The following AK5 variants were observed in gnomAD, a reference collection of about 807,000 sequenced individuals.
AK5 encodes the protein adenylate kinase isoenzyme 5.
Under a neutral mutation model 69.5 loss-of-function variants are expected in AK5, and 27 were observed. That is an observed-to-expected ratio of 0.39 (90% confidence interval 0.29 to 0.54). AK5 has a LOEUF of 0.54. AK5 is among the 20% of genes least tolerant of loss of function. The probability of loss-of-function intolerance (pLI) is 0.71; values close to 1 mark genes in which losing one functional copy is unlikely to be tolerated. For synonymous variants in AK5, 260 were observed against 244.4 expected, an observed-to-expected ratio of 1.06 and a Z score of -0.60; for missense variants, 531 against 700.4, an observed-to-expected ratio of 0.76 and a Z score of 2.73.
rs934722213 is a variant in AK5 at position 77,431,035 on chromosome 1, G to A, written c.1059+13320G>A. On this transcript the variant is annotated intron_variant, in intron 8 of 13. Transcript: ENST00000354567. ...ACTGGCATGAGACCAAAAGAGTCTC[G>A]TGTGGGTTAAGACAGAAGGAACATT... Among the ~76,000 whole-genome samples, 6 of 152,146 alleles carry A rather than the reference G, an allele frequency of 3.9e-5. No individual in the cohort carries two copies. The South Asian group carries it at 6.2e-4, about 16-fold the overall frequency.
chr1:77,453,803 C>T (rs559136874), intron 8 of AK5, among the ~76,000 whole-genome samples: 42 of 152,254 alleles, frequency 2.8e-4, no homozygotes, highest in African/African-American at 9.9e-4. Context: ...TATGTATCTT[C>T]GACTTTATTA....
intron 7 of AK5, among the ~76,000 whole-genome samples, chr1:77,414,231 T>A (rs1245419876): frequency 6.6e-6 from 1 of 152,174 alleles, no homozygotes; most frequent in East Asian, 1.9e-4. Flanking sequence ...TCGTTAAAAT[T>A]AAACTGTAAC....
chr1:77,329,387 C>T (rs1430357294), intron 5 of AK5, among the ~76,000 whole-genome samples: 1 of 151,956 alleles, frequency 6.6e-6, no homozygotes, highest in Non-Finnish European at 1.5e-5. Context: ...TTCATGGGTC[C>T]CATTTCCAGA....
intron 5 of AK5, chr1:77,313,898 A>G (rs1179758320): frequency 1.9e-6 from 1 of 529,922 alleles, no homozygotes; most frequent in African/African-American, 1.9e-5. Flanking sequence ...CCCTAAAGAC[A>G]CAGCCTGTAA....
At chr1:77,384,765 A>G (rs1647887100) in intron 6 of AK5, among the ~76,000 whole-genome samples, 2 of 152,244 alleles carry the variant, frequency 1.3e-5, no homozygotes, top group Non-Finnish European at 2.9e-5. Flanking sequence ...TTCAAAGTAT[A>G]TAATAGCATC....
chr1:77,452,959 A>G (rs1258893490), intron 8 of AK5, among the ~76,000 whole-genome samples: 1 of 152,258 alleles, frequency 6.6e-6, no homozygotes, highest in East Asian at 1.9e-4. Context: ...CTAAACTAGG[A>G]AGCAAAATTA....
At chr1:77,339,391 T>C (rs1240049390) in intron 5 of AK5, among the ~76,000 whole-genome samples, 1 of 152,230 alleles carries the variant, frequency 6.6e-6, no homozygotes, top group Non-Finnish European at 1.5e-5. Flanking sequence ...AAATAGAAAC[T>C]TTTTACTTCA....
At chr1:77,329,785 T>C (rs1660992372) in intron 5 of AK5, among the ~76,000 whole-genome samples, 1 of 152,134 alleles carries the variant, frequency 6.6e-6, no homozygotes, top group African/African-American at 2.4e-5. Flanking sequence ...CCTCCAATCC[T>C]AATTTCACCC....
intron 13 of AK5, among the ~76,000 whole-genome samples, chr1:77,538,910 A>G (rs2100365463): frequency 6.6e-6 from 1 of 152,344 alleles, no homozygotes; most frequent in South Asian, 2.1e-4. Context: ...CCAAAAGACC[A>G]GATTACAACA....
At chr1:77,506,951 A>T (rs1341071470) in intron 10 of AK5, among the ~76,000 whole-genome samples, 1 of 152,086 alleles carries the variant, frequency 6.6e-6, no homozygotes, top group Non-Finnish European at 1.5e-5. Context: ...GTGAGCCAAG[A>T]TCACACCACT....
intron 10 of AK5, among the ~76,000 whole-genome samples, chr1:77,506,275 GTTTT>G (rs67811526): frequency 2.0e-5 from 3 of 151,256 alleles, no homozygotes; most frequent in African/African-American, 7.3e-5. Context: ...ATTTTTTGGG[GTTTT>G]TTTAATTTTT....
chr1:77,427,032 G>T (rs1158155149), intron 8 of AK5, among the ~76,000 whole-genome samples: 10 of 151,946 alleles, frequency 6.6e-5, no homozygotes, highest in Admixed American at 6.6e-4. Context: ...TATATACATT[G>T]AATTCATATA....
chr1:77,335,634 A>C (rs754968204), intron 5 of AK5, among the ~76,000 whole-genome samples: 6 of 152,154 alleles, frequency 3.9e-5, no homozygotes, highest in Non-Finnish European at 8.8e-5. Flanking sequence ...TTTAAAATGG[A>C]GCACTATTGG....
chr1:77,518,837 G>A, intron 11 of AK5, 110 bp downstream of exon 11: 11 of 1,096,880 alleles, frequency 1.0e-5, no homozygotes, highest in Non-Finnish European at 1.4e-5. Context: ...AGAAACAATA[G>A]CTGTATATTA....
rs548209251 is a variant in AK5 at position 77,410,964 on chromosome 1, G to C, written c.892-17G>C. On this transcript the variant is annotated splice_polypyrimidine_tract_variant and intron_variant, in intron 6 of 13. Coordinates refer to ENST00000354567, the MANE Select transcript of AK5 (RefSeq NM_174858.3). ...GTATTCTCACATTCCAAACTTGTCT[G>C]TCCTGATTTCCCCCAGTTTGATGCC... The C allele has an allele frequency of 6.2e-7, 1 of 1,609,280 alleles. No individual in the cohort carries two copies. The highest frequency in any genetic ancestry group is 1.3e-5 in the African/African-American group (1 of 74,918).
At chr1:77,525,683 G>C (rs541252152) in intron 12 of AK5, among the ~76,000 whole-genome samples, 1 of 152,122 alleles carries the variant, frequency 6.6e-6, no homozygotes, top group Non-Finnish European at 1.5e-5. Flanking sequence ...CAACACTGGC[G>C]GTCACATTTC....
chr1:77,450,585 C>G (rs969426761), intron 8 of AK5, among the ~76,000 whole-genome samples: 20 of 152,140 alleles, frequency 1.3e-4, no homozygotes, highest in African/African-American at 4.6e-4. Flanking sequence ...GGTCACACAA[C>G]TAATAACGTC....
At position 77,450,189 on chromosome 1, in the gene AK5, A is replaced by G. The variant is rs535029963; in HGVS notation, c.1059+32474A>G. Among the ~76,000 whole-genome samples the G allele has an allele frequency of 3.1e-4, 47 of 152,274 alleles. 1 individual carries two copies. The South Asian group carries it at 8.9e-3, about 29-fold the overall frequency. ...CCTTGTTGTTCGTATCACTATCAGC[A>G]TTTTTGTTAAAGCCATTCAACAAGT... On this transcript the variant is annotated intron_variant, in intron 8 of 13. Coordinates refer to ENST00000354567, the MANE Select transcript of AK5 (RefSeq NM_174858.3).
chr1:77,437,608 A>C (rs952203060), intron 8 of AK5, among the ~76,000 whole-genome samples: 1 of 152,134 alleles, frequency 6.6e-6, no homozygotes, highest in African/African-American at 2.4e-5. Context: ...TTAAACTGGT[A>C]CAGAGGTTAA....
Sources: gnomAD v4.1 joint callset for allele counts (sites outside exome capture counted in the v4.1 genomes callset) on GRCh38, gnomAD v4.1.1 for gene constraint, MANE v1.5 for transcripts, NCBI Gene and HGNC (gene_info 2026-07-23, HGNC 2026-07-21) for gene names.